The following LYZL2 variants were observed in gnomAD, a reference collection of about 807,000 sequenced individuals.
LYZL2 encodes lysozyme like 2, also known as lysozyme-like protein 2.
Under a neutral mutation model 17.1 loss-of-function variants are expected in LYZL2, and 13 were observed. That is an observed-to-expected ratio of 0.76 (90% confidence interval 0.49 to 1.21). The LOEUF is 1.21. Among genes scored for constraint, LYZL2 ranks in the 50% most tolerant of loss-of-function variants. LYZL2 has a pLI of 0.00. For synonymous variants in LYZL2, 63 were observed against 74.4 expected (o/e 0.85, Z 0.79); for missense variants, 166 against 189.2 (o/e 0.88, Z 0.72).
rs771195465 is a variant in LYZL2, at chr10:30,629,735, G to T, written c.-168C>A. ...TGAAGCCATGTCTGATTCTAACAAG[G>T]CTCGAGTAATCCTTTCCTAGCTCAA... On this transcript the variant is annotated 5_prime_UTR_variant, in exon 1 of 5. Transcript: ENST00000647634. 6.3e-7 allele frequency: 1 copy of T among 1,588,928 alleles called. No homozygotes were observed. Among genetic ancestry groups the T allele is most frequent in the Non-Finnish European group, 8.6e-7 (1 of 1,164,224 alleles).
intron 3 of LYZL2, among the ~76,000 whole-genome samples, chr10:30,624,266 T>G (rs949180194): frequency 6.6e-6 from 1 of 151,994 alleles, no homozygotes; most frequent in South Asian, 2.1e-4. Flanking sequence ...TAAATAAGAG[T>G]AGGCATCAGC....
At chr10:30,623,987 A>G (rs1020121697) in intron 3 of LYZL2, among the ~76,000 whole-genome samples, 1 of 152,190 alleles carries the variant, frequency 6.6e-6, no homozygotes, top group Admixed American at 6.5e-5. Flanking sequence ...CTTCACTCTC[A>G]GGCTGGGCAT....
At chr10:30,617,491 C>G (rs1333327760) in intron 3 of LYZL2, among the ~76,000 whole-genome samples, 1 of 151,844 alleles carries the variant, frequency 6.6e-6, no homozygotes, top group African/African-American at 2.4e-5. Context: ...GCCTGGCCAA[C>G]ATGGCAAAAC....
chr10:30,614,269 G>A (rs1838493888), intron 3 of LYZL2, among the ~76,000 whole-genome samples: 3 of 152,250 alleles, frequency 2.0e-5, no homozygotes. Context: ...CGGCTGGGGG[G>A]AAGCAGGATG....
Position 30,612,826 on chromosome 10 carries a change from A to G in LYZL2, c.373T>C (p.Tyr125His). 2 of 1,611,268 alleles carry G rather than the reference A, an allele frequency of 1.2e-6. No homozygotes were observed. Among genetic ancestry groups the G allele is most frequent in the Non-Finnish European group, 1.7e-6 (2 of 1,177,380 alleles). ...KIVKETQGMN[Y>H]WQGWKKHCEG... Reference sequence around the variant, plus strand: ...CTTCCAAGGAAAGACTCTTACCAATAGTTCATTCCTTGTGTCTCTTTAACA... The same window carrying G: ...CTTCCAAGGAAAGACTCTTACCAATGGTTCATTCCTTGTGTCTCTTTAACA... Residue 125 changes from tyrosine to histidine, a missense_variant, in exon 4 of 5, where the codon TAT becomes CAT. Transcript: ENST00000647634.
chr10:30,626,055 C>T, intron 3 of LYZL2, 50 bp downstream of exon 3: 1 of 1,578,806 alleles, frequency 6.3e-7, no homozygotes. Flanking sequence ...CCATTGTCGG[C>T]TTTCTCACCT....
chr10:30,621,455 G>A (rs759656329), intron 3 of LYZL2, among the ~76,000 whole-genome samples: 23 of 151,750 alleles, frequency 1.5e-4, no homozygotes, highest in Non-Finnish European at 2.8e-4. Flanking sequence ...ATGGTGGCAC[G>A]TGCCTGTAGT....
In LYZL2 at chr10:30,629,039, GCCAGT is replaced by G. The variant is rs149717485; in HGVS notation, c.-26+549_-26+553del. On this transcript the variant is annotated intron_variant, in intron 1 of 4. Transcript: ENST00000647634. ...ATCTGGCCCTTTTCAGAGAGATCAT[GCCAGT>G]CCGTGGTGTACAGCATTGTGCTAAG... 2.5e-3 allele frequency among the ~76,000 whole-genome samples: 377 copies of G among 152,292 alleles called. 1 individual carries two copies. Among genetic ancestry groups the G allele is most frequent in the African/African-American group, 8.6e-3 (358 of 41,548 alleles).
chr10:30,615,018 T>C (rs112155212), intron 3 of LYZL2, among the ~76,000 whole-genome samples: 17,210 of 152,310 alleles, frequency 0.11, 1,044 homozygotes, highest in South Asian at 0.18. Context: ...TATTTAATAA[T>C]ATGGAGAAAT....
intron 3 of LYZL2, among the ~76,000 whole-genome samples, chr10:30,620,611 A>T (rs1307749188): frequency 6.6e-6 from 1 of 152,230 alleles, no homozygotes; most frequent in East Asian, 1.9e-4. Context: ...ATAAAAAATT[A>T]TTCCATGCGC....
At chr10:30,611,496 GA>G (rs1364150171), downstream of LYZL2, among the ~76,000 whole-genome samples, 249 of 74,598 alleles carry the variant, frequency 3.3e-3, 1 homozygote, top group Middle Eastern at 8.8e-3. Context: ...ACAAGACTCT[GA>G]AAAAAAAAAA....
At chr10:30,620,690 G>A (rs1053977425) in intron 3 of LYZL2, among the ~76,000 whole-genome samples, 2 of 152,168 alleles carry the variant, frequency 1.3e-5, no homozygotes, top group South Asian at 4.1e-4. Flanking sequence ...AAGGACAGTT[G>A]ATTGCATTAG....
At chr10:30,624,514 T>C (rs970502012) in intron 3 of LYZL2, among the ~76,000 whole-genome samples, 1 of 152,236 alleles carries the variant, frequency 6.6e-6, no homozygotes, top group Non-Finnish European at 1.5e-5. Context: ...GGTTTTTCTA[T>C]GATTTGATCA....
chr10:30,621,708 T>G (rs1346344406), intron 3 of LYZL2, among the ~76,000 whole-genome samples: 1 of 152,186 alleles, frequency 6.6e-6, no homozygotes, highest in Non-Finnish European at 1.5e-5. Context: ...AAAGAATGCT[T>G]GCTAATAGAC....
At chr10:30,623,639 G>A (rs1473714325) in intron 3 of LYZL2, among the ~76,000 whole-genome samples, 2 of 152,146 alleles carry the variant, frequency 1.3e-5, no homozygotes, top group Admixed American at 6.5e-5. Context: ...AGAATCTAAT[G>A]CCTGATGATC....
intron 1 of LYZL2, among the ~76,000 whole-genome samples, chr10:30,629,167 C>G (rs1360433018): frequency 6.6e-6 from 1 of 152,156 alleles, no homozygotes; most frequent in Non-Finnish European, 1.5e-5. Flanking sequence ...GTGAAAAGGG[C>G]AAATTGCTTG....
chr10:30,616,458 G>A (rs1392800149), intron 3 of LYZL2, among the ~76,000 whole-genome samples: 1 of 152,222 alleles, frequency 6.6e-6, no homozygotes, highest in Non-Finnish European at 1.5e-5. Context: ...GCTGAGGCGG[G>A]CAGATCGCCA....
Position 30,629,642 on chromosome 10 carries a change from A to G in LYZL2, c.-75T>C. 6.2e-7 allele frequency: 1 copy of G among 1,614,118 alleles called. No homozygotes were observed. Reference sequence around the variant, plus strand: ...GCCGCAGAGGCTGACTTCTCAGTTGAGTCTGCGGAAGAAACACTGCTCCAC... The same window carrying G: ...GCCGCAGAGGCTGACTTCTCAGTTGGGTCTGCGGAAGAAACACTGCTCCAC... On this transcript the variant is annotated 5_prime_UTR_variant, in exon 1 of 5. Transcript: ENST00000647634.
intron 3 of LYZL2, among the ~76,000 whole-genome samples, chr10:30,620,572 C>A (rs146354739): frequency 6.6e-6 from 1 of 152,142 alleles, no homozygotes; most frequent in South Asian, 2.1e-4. Flanking sequence ...TCACAAGAGC[C>A]GTCAACACAT....
Sources: allele counts gnomAD v4.1 joint callset (sites outside exome capture counted in the v4.1 genomes callset), GRCh38; gene constraint gnomAD v4.1.1; transcripts MANE v1.5; gene names NCBI Gene and HGNC (gene_info 2026-07-23, HGNC 2026-07-21).